The following MAGI2 variants were observed in gnomAD, a reference collection of about 807,000 sequenced individuals.
The protein encoded by MAGI2 is membrane associated guanylate kinase, WW and PDZ domain containing 2.
MAGI2 carries 35 observed loss-of-function variants against 133.3 expected under a neutral mutation model. The observed-to-expected ratio is 0.26, with a 90% CI of 0.20 to 0.35. The LOEUF is 0.35. MAGI2 is among the 10% of genes least tolerant of loss of function. The pLI is 1.00. For missense variants in MAGI2, 1,636 were observed against 1,863.4 expected (o/e 0.88, Z 2.25); for synonymous variants, 729 against 710.6 (o/e 1.03, Z -0.41).
chr7:78,863,108 A>G lies in MAGI2; in HGVS notation c.418+143982T>C, dbSNP rs151251538. Among the ~76,000 whole-genome samples the G allele has an allele frequency of 2.4e-3, 363 of 152,356 alleles. 3 individuals carry two copies. Among genetic ancestry groups the G allele is most frequent in the African/African-American group, 8.3e-3 (344 of 41,592 alleles). On this transcript the variant is annotated intron_variant, in intron 2 of 21. Transcript: ENST00000354212. ...GGCTATAAAGAAGTTCATTAATTAC[A>G]AATGACTTAAAACATGATAGCAATG...
intron 2 of MAGI2, among the ~76,000 whole-genome samples, chr7:78,882,100 AAAAAAAAAGAAAAGAAAAAC>A (rs1795911318): frequency 7.9e-6 from 1 of 125,824 alleles, no homozygotes; most frequent in African/African-American, 2.8e-5. Flanking sequence ...AAAAAAAAAA[AAAAAAAAAGAAAAGAAAAAC>A]AAAAAAAAAA....
chr7:79,084,500 G>T (rs1200951902), intron 1 of MAGI2, among the ~76,000 whole-genome samples: 3 of 151,410 alleles, frequency 2.0e-5, no homozygotes, highest in Non-Finnish European at 4.4e-5. Context: ...TTATTCCATT[G>T]TATTTAAGAA....
At chr7:78,934,187 T>C (rs558737876) in intron 2 of MAGI2, among the ~76,000 whole-genome samples, 3 of 152,124 alleles carry the variant, frequency 2.0e-5, no homozygotes, top group Admixed American at 6.6e-5. Flanking sequence ...CTGCAACCTT[T>C]GTCTCCCAGG....
intron 1 of MAGI2, among the ~76,000 whole-genome samples, chr7:79,228,765 C>G (rs1831099135): frequency 6.6e-6 from 1 of 152,100 alleles, no homozygotes; most frequent in Non-Finnish European, 1.5e-5. Flanking sequence ...CCCAGTTGAG[C>G]CCACATCAAA....
At chr7:78,135,819 G>A (rs954447800) in intron 16 of MAGI2, among the ~76,000 whole-genome samples, 3 of 152,170 alleles carry the variant, frequency 2.0e-5, no homozygotes, top group Non-Finnish European at 4.4e-5. Flanking sequence ...ATAAAGGTTG[G>A]TGTGTTGTCA....
intron 1 of MAGI2, among the ~76,000 whole-genome samples, chr7:79,430,861 T>G (rs1235240078): frequency 6.6e-6 from 1 of 152,214 alleles, no homozygotes; most frequent in African/African-American, 2.4e-5. Context: ...AAACTGTGGC[T>G]TGAATACACT....
At chr7:78,824,431 A>G (rs955991586) in intron 2 of MAGI2, among the ~76,000 whole-genome samples, 1 of 152,202 alleles carries the variant, frequency 6.6e-6, no homozygotes, top group African/African-American at 2.4e-5. Context: ...TAGCCTCACC[A>G]ACATCTGTTC....
chr7:78,662,030 G>A (rs988006310), intron 2 of MAGI2, among the ~76,000 whole-genome samples: 4 of 152,156 alleles, frequency 2.6e-5, no homozygotes, highest in Admixed American at 6.5e-5. Context: ...CTGCTTACAC[G>A]GGTCATCACA....
At chr7:78,192,973 A>G (rs1200396996) in intron 12 of MAGI2, among the ~76,000 whole-genome samples, 1 of 152,136 alleles carries the variant, frequency 6.6e-6, no homozygotes, top group Non-Finnish European at 1.5e-5. Flanking sequence ...CCAGAGGAGA[A>G]CTGAAAAAGA....
chr7:79,292,431 G>A (rs1167540573), intron 1 of MAGI2, among the ~76,000 whole-genome samples: 2 of 151,670 alleles, frequency 1.3e-5, no homozygotes, highest in Admixed American at 1.3e-4. Flanking sequence ...AGACCAGCCT[G>A]GCCTGTGTGG....
intron 21 of MAGI2, among the ~76,000 whole-genome samples, chr7:78,054,108 C>T (rs1007079100): frequency 6.6e-6 from 1 of 152,094 alleles, no homozygotes; most frequent in Admixed American, 6.6e-5. Context: ...TCACTTTACA[C>T]AGCAATACAC....
intron 2 of MAGI2, among the ~76,000 whole-genome samples, chr7:78,843,586 T>G (rs905594739): frequency 6.6e-6 from 1 of 151,998 alleles, no homozygotes; most frequent in Non-Finnish European, 1.5e-5. Context: ...CTTGTCTGCA[T>G]ATGTTATTTA....
At chr7:78,046,096 AC>A (rs1482519097) in intron 21 of MAGI2, among the ~76,000 whole-genome samples, 18 of 151,994 alleles carry the variant, frequency 1.2e-4, no homozygotes, top group Admixed American at 1.2e-3. Context: ...GCCTAAAAGG[AC>A]CAGAAATAGG....
At chr7:79,230,277 C>A (rs1218633150) in intron 1 of MAGI2, among the ~76,000 whole-genome samples, 1 of 151,570 alleles carries the variant, frequency 6.6e-6, no homozygotes, top group Non-Finnish European at 1.5e-5. Context: ...TTTATAGCAG[C>A]ATGATTTCTA....
chr7:79,173,763 T>G (rs1825833790), intron 1 of MAGI2, among the ~76,000 whole-genome samples: 1 of 152,180 alleles, frequency 6.6e-6, no homozygotes, highest in South Asian at 2.1e-4. Flanking sequence ...TAGAACATTC[T>G]ACCATATTAT....
At chr7:79,214,437 A>G (rs1829821922) in intron 1 of MAGI2, among the ~76,000 whole-genome samples, 1 of 127,472 alleles carries the variant, frequency 7.8e-6, no homozygotes, top group Non-Finnish European at 1.6e-5. Flanking sequence ...ATATATATAT[A>G]TATATAAATA....
intron 6 of MAGI2, among the ~76,000 whole-genome samples, chr7:78,470,437 CTTTAT>C (rs1435361126): frequency 6.6e-6 from 1 of 152,064 alleles, no homozygotes; most frequent in East Asian, 1.9e-4. Context: ...ATTGTTTCTC[CTTTAT>C]TTAGTGGTGG....
At chr7:78,367,182 A>G (rs1455453171) in intron 7 of MAGI2, among the ~76,000 whole-genome samples, 1 of 151,778 alleles carries the variant, frequency 6.6e-6, no homozygotes, top group Non-Finnish European at 1.5e-5. Flanking sequence ...GCCAGTGTCC[A>G]ATTTCATAAT....
chr7:78,402,198 G>GTGT (rs1258178650), intron 6 of MAGI2, among the ~76,000 whole-genome samples: 4 of 150,134 alleles, frequency 2.7e-5, no homozygotes, highest in Admixed American at 6.6e-5. Context: ...CCACCTGGGG[G>GTGT]GTGTGTGTGT....
Sources: gnomAD v4.1 joint callset for allele counts (sites outside exome capture counted in the v4.1 genomes callset) on GRCh38, gnomAD v4.1.1 for gene constraint, MANE v1.5 for transcripts, NCBI Gene and HGNC (gene_info 2026-07-23, HGNC 2026-07-21) for gene names.